The following POLR3F variants were observed in gnomAD, a reference collection of about 807,000 sequenced individuals.
POLR3F encodes RNA polymerase III subunit F.
In POLR3F, 31 loss-of-function variants were observed where a neutral mutation model predicts 43.6. The observed-to-expected ratio is 0.71, with a 90% confidence interval of 0.53 to 0.96. The LOEUF (loss-of-function observed/expected upper bound fraction) is 0.96. POLR3F is among the 40% of genes least tolerant of loss of function. The probability of loss-of-function intolerance (pLI) is 0.00; values close to 1 mark genes in which losing one functional copy is unlikely to be tolerated. For synonymous variants in POLR3F, 114 were observed against 132.5 expected (o/e 0.86, Z 0.96); for missense variants, 316 against 391.7 (o/e 0.81, Z 1.63).
intron 8 of POLR3F, among the ~76,000 whole-genome samples, 155 bp from the exon 9 acceptor site, chr20:18,483,326 G>A (rs2059820347): frequency 6.6e-6 from 1 of 152,242 alleles, no homozygotes; most frequent in African/African-American, 2.4e-5. Context: ...GATTACAGGT[G>A]TGAGCCACTG....
chr20:18,468,572 A>T (rs2059721132), intron 1 of POLR3F, among the ~76,000 whole-genome samples: 2 of 152,146 alleles, frequency 1.3e-5, no homozygotes, highest in South Asian at 4.1e-4. Context: ...TTGGCTTCCT[A>T]CCAGAAACAT....
intron 2 of POLR3F, among the ~76,000 whole-genome samples, chr20:18,472,076 C>T (rs917245524): frequency 3.3e-5 from 5 of 152,162 alleles, no homozygotes; most frequent in African/African-American, 1.2e-4. Flanking sequence ...TCTGGGTTCT[C>T]TTAAGTTCGG....
Position 18,481,720 on chromosome 20 carries a change from C to CA in POLR3F, c.784dup (p.Ser262LysfsTer33), listed in dbSNP as rs1266715061. On this transcript the variant is annotated frameshift_variant, in exon 8 of 9. Transcript: ENST00000377603. LOFTEE classifies it high-confidence loss of function. ...TTGCTGCAAAAGAAGGCACAGTTGG[C>CA]AGTGTAGATGGACACATGAAACTGT... 1 of 1,611,722 alleles carries CA rather than the reference C, an allele frequency of 6.2e-7. No homozygotes were observed. Among genetic ancestry groups the CA allele is most frequent in the African/African-American group, 1.3e-5 (1 of 74,896 alleles).
chr20:18,483,672 C>T lies in POLR3F; in HGVS notation c.*114C>T, dbSNP rs779918772. The T allele has an allele frequency of 2.1e-4, 98 of 476,970 alleles. No homozygotes were observed. The highest frequency in any genetic ancestry group is 6.9e-4 in the Admixed American group (18 of 25,946). 29.5% of individuals were successfully genotyped at this position (476,970 alleles called of 1,614,324 possible). A position where few individuals can be genotyped will look rare whatever the true frequency, so the allele number is the denominator to read the frequency against. On this transcript the variant is annotated 3_prime_UTR_variant, in exon 9 of 9. Coordinates refer to ENST00000377603, the MANE Select transcript of POLR3F (RefSeq NM_006466.4). ...TGAAAGCAAACTTCACAATAATGGA[C>T]GTAGACTTGCTGCTATGAAAACATA...
intron 2 of POLR3F, among the ~76,000 whole-genome samples, chr20:18,471,586 C>T (rs1346423693): frequency 6.6e-6 from 1 of 152,206 alleles, no homozygotes; most frequent in African/African-American, 2.4e-5. Context: ...CTGGATTGGG[C>T]CTTGTAGTCC....
At chr20:18,483,089 T>C (rs962944120) in intron 8 of POLR3F, among the ~76,000 whole-genome samples, 1 of 151,412 alleles carries the variant, frequency 6.6e-6, no homozygotes, top group African/African-American at 2.4e-5. Flanking sequence ...CCCCCCGAGA[T>C]GGAGTCTTGC....
chr20:18,482,976 A>C (rs1008462491), intron 8 of POLR3F, among the ~76,000 whole-genome samples: 5 of 152,054 alleles, frequency 3.3e-5, no homozygotes, highest in African/African-American at 1.2e-4. Flanking sequence ...ACAGGTGAGC[A>C]TGGTCATCTT....
At chr20:18,478,508 C>T (rs1206182809) in intron 5 of POLR3F, among the ~76,000 whole-genome samples, 1 of 152,176 alleles carries the variant, frequency 6.6e-6, no homozygotes. Context: ...GCCACCATGC[C>T]TGGCCCAAAT....
At chr20:18,472,054 G>C (rs2059755708) in intron 2 of POLR3F, among the ~76,000 whole-genome samples, 1 of 152,184 alleles carries the variant, frequency 6.6e-6, no homozygotes, top group African/African-American at 2.4e-5. Context: ...CCAGAGCCTA[G>C]TGGTATAATT....
In POLR3F at chr20:18,472,909, G is replaced by A. The variant is rs2059761164; in HGVS notation, c.248G>A (p.Gly83Asp). The change falls in exon 3 of 9, where the codon GGT (glycine) becomes GAT (aspartate). Residue 83 changes from glycine to aspartate, a missense_variant and splice_region_variant. Physicochemically the swap from Gly to Asp is moderately conservative, Grantham distance 94. This residue lies in a region of POLR3F where 122 missense variants were observed against 133.8 expected (regional missense o/e 0.91). Coordinates refer to ENST00000377603, the MANE Select transcript of POLR3F (RefSeq NM_006466.4). ...AGAATAAAGGACTCTCAGAATGCTG[G>A]GTAAGTACTTGTTTTTTTAATTTTA... ...LYRIKDSQNAGKMKGSDNQEK... is the reference protein window; with the variant it reads ...LYRIKDSQNADKMKGSDNQEK... 11 of 1,360,956 alleles carry A rather than the reference G, an allele frequency of 8.1e-6. No homozygotes were observed. The highest frequency in any genetic ancestry group is 1.1e-5 in the Non-Finnish European group (11 of 969,500). 84.3% of individuals were successfully genotyped at this position (1,360,956 alleles called of 1,614,324 possible).
rs2059825968 is a variant in POLR3F at position 18,484,218 on chromosome 20, A to G, written c.*660A>G. The G allele has an allele frequency of 2.5e-6, 1 of 398,272 alleles. No individual in the cohort carries two copies. The highest frequency in any genetic ancestry group is 4.4e-6 in the Non-Finnish European group (1 of 225,914). The allele number at this position is 398,272 out of a possible 1,614,324, so 24.7% of individuals were successfully genotyped here. A position where few individuals can be genotyped will look rare whatever the true frequency, so the allele number is the denominator to read the frequency against. ...ATATTTTCAGTACATAAATACTATC[A>G]TTTTCATTCTAAAGAATATTTTCAC... On this transcript the variant is annotated 3_prime_UTR_variant, in exon 9 of 9. Coordinates refer to ENST00000377603, the MANE Select transcript of POLR3F (RefSeq NM_006466.4).
At chr20:18,470,659 T>G (rs953409564) in intron 2 of POLR3F, 1 of 154,726 alleles carries the variant, frequency 6.5e-6, no homozygotes, top group Non-Finnish European at 1.5e-5. Flanking sequence ...AGTTCTTTTC[T>G]TCCTCTGATC....
intron 5 of POLR3F, among the ~76,000 whole-genome samples, chr20:18,477,756 C>T (rs770832767): frequency 7.2e-5 from 11 of 152,206 alleles, no homozygotes; most frequent in African/African-American, 1.2e-4. Context: ...CTAAAAAGAT[C>T]GGGGTGAGGG....
At chr20:18,481,983 C>CTTTTTTT (rs56160449) in intron 8 of POLR3F, among the ~76,000 whole-genome samples, 173 bp downstream of exon 8, 56 of 74,332 alleles carry the variant, frequency 7.5e-4, no homozygotes, top group Admixed American at 1.2e-3. Flanking sequence ...CATTCCTTTA[C>CTTTTTTT]TTTTTTTTTT....
At chr20:18,480,324 G>T in intron 6 of POLR3F, 78 bp from the exon 7 acceptor site, 1 of 1,236,332 alleles carries the variant, frequency 8.1e-7, no homozygotes, top group South Asian at 1.3e-5. Context: ...TTCTGTTGTT[G>T]GTTTGACTCA....
Position 18,484,090 on chromosome 20 carries a change from A to G in POLR3F, c.*532A>G. On this transcript the variant is annotated 3_prime_UTR_variant, in exon 9 of 9. Transcript: ENST00000377603. ...GGGTATGACTGGGGGAGAGTGGAAC[A>G]TGCCTTTTCCGCACAATATTAATTC... The G allele has an allele frequency of 5.0e-6, 2 of 398,532 alleles. No homozygotes were observed. Among genetic ancestry groups the G allele is most frequent in the East Asian group, 7.1e-5 (2 of 28,058 alleles). 24.7% of individuals were successfully genotyped at this position (398,532 alleles called of 1,614,324 possible).
intron 2 of POLR3F, chr20:18,469,336 T>C (rs1050880291): frequency 3.2e-6 from 1 of 311,992 alleles, no homozygotes; most frequent in Non-Finnish European, 6.1e-6. Context: ...CAGAGGAAGA[T>C]TGAATTCACT....
At chr20:18,470,222 C>A (rs1005448040) in intron 2 of POLR3F, among the ~76,000 whole-genome samples, 1 of 152,224 alleles carries the variant, frequency 6.6e-6, no homozygotes, top group Non-Finnish European at 1.5e-5. Flanking sequence ...ATCTGAATGA[C>A]TGATTTGTTT....
At chr20:18,472,001 A>G (rs569682626) in intron 2 of POLR3F, among the ~76,000 whole-genome samples, 1 of 152,258 alleles carries the variant, frequency 6.6e-6, no homozygotes, top group South Asian at 2.1e-4. Context: ...ACATAAATAA[A>G]CAAGGGAATA....
Sources: gnomAD v4.1 joint callset for allele counts (sites outside exome capture counted in the v4.1 genomes callset) on GRCh38, gnomAD v4.1.1 for gene constraint, gnomAD v4.1.1 regional missense constraint, MANE v1.5 for transcripts, NCBI Gene and HGNC (gene_info 2026-07-23, HGNC 2026-07-21) for gene names.